The following TRPC1 variants were observed in gnomAD, a reference collection of about 807,000 sequenced individuals.
The protein encoded by TRPC1 is short transient receptor potential channel 1.
TRPC1 carries 42 observed loss-of-function variants against 88.2 expected under a neutral mutation model. The ratio of observed to expected loss-of-function variants is 0.48; its 90% CI spans 0.37 to 0.62. TRPC1 has a LOEUF of 0.62. Ranked by LOEUF, TRPC1 falls within the 20% of genes least tolerant of loss-of-function variation. The probability of loss-of-function intolerance (pLI) is 0.00; values close to 1 mark genes in which losing one functional copy is unlikely to be tolerated. For missense variants in TRPC1, 699 were observed against 957.3 expected (o/e 0.73, Z 3.56); for synonymous variants, 288 against 331.8 (o/e 0.87, Z 1.43).
intron 5 of TRPC1, among the ~76,000 whole-genome samples, chr3:142,778,664 C>CAT (rs1560110640): frequency 6.6e-6 from 1 of 152,066 alleles, no homozygotes; most frequent in East Asian, 1.9e-4. Context: ...CTTTCCTATA[C>CAT]GGCTGCTATT....
At chr3:142,778,435 T>C (rs1461708318) in intron 5 of TRPC1, among the ~76,000 whole-genome samples, 1 of 152,162 alleles carries the variant, frequency 6.6e-6, no homozygotes, top group African/African-American at 2.4e-5. Flanking sequence ...AAAAAGACTT[T>C]GTAATAGCAG....
At chr3:142,785,541 G>A (rs914743063) in intron 7 of TRPC1, among the ~76,000 whole-genome samples, 30 of 151,976 alleles carry the variant, frequency 2.0e-4, no homozygotes, top group African/African-American at 4.1e-4. Flanking sequence ...TCGCTCTGTC[G>A]CCCAGGCTGG....
At position 142,792,273 on chromosome 3, in the gene TRPC1, T is replaced by A. The variant is rs543104883; in HGVS notation, c.1438-551T>A. On this transcript the variant is annotated intron_variant, in intron 8 of 12. Coordinates refer to ENST00000476941, the MANE Select transcript of TRPC1 (RefSeq NM_001251845.2). This position sits in a 1 kb window ranked among gnomAD's most constrained non-coding sequence, Gnocchi z 4.0. ...ATAATTTTTTATCCAAATCAGGACA[T>A]TTTGAGAGTGAAAGGGGGCACTATT... 1.3e-5 allele frequency among the ~76,000 whole-genome samples: 2 copies of A among 152,096 alleles called. No individual in the cohort carries two copies. Among genetic ancestry groups the A allele is most frequent in the Non-Finnish European group, 2.9e-5 (2 of 67,918 alleles).
chr3:142,749,287 T>C (rs1003614977), intron 4 of TRPC1, among the ~76,000 whole-genome samples: 3 of 152,186 alleles, frequency 2.0e-5, no homozygotes, highest in Non-Finnish European at 2.9e-5. Flanking sequence ...AGAGCACATA[T>C]AATTTTATAC....
intron 4 of TRPC1, among the ~76,000 whole-genome samples, chr3:142,772,290 G>A (rs1380168931): frequency 6.6e-6 from 1 of 151,940 alleles, no homozygotes; most frequent in Non-Finnish European, 1.5e-5. Context: ...TCCATTATGA[G>A]TATGTTGGTA....
intron 4 of TRPC1, among the ~76,000 whole-genome samples, chr3:142,760,147 T>C (rs1317527900): frequency 6.6e-6 from 1 of 152,142 alleles, no homozygotes; most frequent in Admixed American, 6.5e-5. Context: ...TTTGAGGCCT[T>C]ACACACAAAA....
At chr3:142,733,697 A>G (rs112182965) in intron 1 of TRPC1, among the ~76,000 whole-genome samples, 2 of 152,360 alleles carry the variant, frequency 1.3e-5, no homozygotes, top group African/African-American at 4.8e-5. Context: ...CTCTAGCAAT[A>G]TGGTTGATTA....
chr3:142,791,378 A>G (rs1053582864), intron 8 of TRPC1, among the ~76,000 whole-genome samples: 2 of 152,148 alleles, frequency 1.3e-5, no homozygotes, highest in African/African-American at 2.4e-5. Context: ...CAGGGACCAT[A>G]GTTCACATTT....
At chr3:142,751,835 G>A (rs1314893425) in intron 4 of TRPC1, among the ~76,000 whole-genome samples, 2 of 152,100 alleles carry the variant, frequency 1.3e-5, no homozygotes, top group Admixed American at 1.3e-4. Context: ...GAATCAATCT[G>A]ATGTTTATTT....
In TRPC1 at chr3:142,792,268, G is replaced by C. The variant is rs1169118437; in HGVS notation, c.1438-556G>C. ...CCCATATAATTTTTTATCCAAATCA[G>C]GACATTTTGAGAGTGAAAGGGGGCA... On this transcript the variant is annotated intron_variant, in intron 8 of 12. Transcript: ENST00000476941. This position sits in a 1 kb window ranked among gnomAD's most constrained non-coding sequence, Gnocchi z 4.0. 6.6e-6 allele frequency among the ~76,000 whole-genome samples: 1 copy of C among 151,962 alleles called. No homozygotes were observed. The highest frequency in any genetic ancestry group is 1.5e-5 in the Non-Finnish European group (1 of 67,922).
intron 5 of TRPC1, 72 bp from the exon 6 acceptor site, chr3:142,780,762 C>A: frequency 7.1e-7 from 1 of 1,409,498 alleles, no homozygotes; most frequent in Non-Finnish European, 9.5e-7. Flanking sequence ...TGAGTAAAAA[C>A]GTTTTTAGTG....
intron 7 of TRPC1, among the ~76,000 whole-genome samples, chr3:142,787,863 G>C (rs889484855): frequency 6.6e-6 from 1 of 152,180 alleles, no homozygotes; most frequent in African/African-American, 2.4e-5. Flanking sequence ...AGTGAGCTAA[G>C]ATCTAAAAGA....
At chr3:142,748,967 A>G (rs1331562123) in intron 4 of TRPC1, among the ~76,000 whole-genome samples, 1 of 152,166 alleles carries the variant, frequency 6.6e-6, no homozygotes, top group Non-Finnish European at 1.5e-5. Flanking sequence ...GACCAAGAAA[A>G]TACCCTGTCA....
chr3:142,746,671 C>T (rs746047738), intron 3 of TRPC1, among the ~76,000 whole-genome samples: 7 of 152,012 alleles, frequency 4.6e-5, no homozygotes, highest in Non-Finnish European at 8.8e-5. Context: ...ATGCCTAAGA[C>T]GGGTGAGTAA....
Position 142,764,640 on chromosome 3 carries a change from T to C in TRPC1, c.633-12992T>C, listed in dbSNP as rs1012391359. 7.7e-4 allele frequency among the ~76,000 whole-genome samples: 117 copies of C among 152,246 alleles called. 1 individual carries two copies. Among genetic ancestry groups the C allele is most frequent in the South Asian group, 6.2e-4 (3 of 4,828 alleles). On this transcript the variant is annotated intron_variant, in intron 4 of 12. Transcript: ENST00000476941. ...ATTGAGAAGTCTGTTTCCAGATGAA[T>C]TGGGGCTTCTTTATATGTTATTTGC...
At chr3:142,730,513 A>G (rs1342925374) in intron 1 of TRPC1, among the ~76,000 whole-genome samples, 1 of 151,794 alleles carries the variant, frequency 6.6e-6, no homozygotes, top group Non-Finnish European at 1.5e-5. Flanking sequence ...TTACAATAAT[A>G]TGGTTATAAA....
rs183942536 is a variant in TRPC1, at chr3:142,768,741, G to T, written c.633-8891G>T. On this transcript the variant is annotated intron_variant, in intron 4 of 12. Coordinates refer to ENST00000476941, the MANE Select transcript of TRPC1 (RefSeq NM_001251845.2). Reference sequence around the variant, plus strand: ...TCCTCTGTGTTTTTTAACTATTTAAGAATTTTTTCTTTTAGAGATAATAGT... The same window carrying T: ...TCCTCTGTGTTTTTTAACTATTTAATAATTTTTTCTTTTAGAGATAATAGT... Among the ~76,000 whole-genome samples, 49 of 151,856 alleles carry T rather than the reference G, an allele frequency of 3.2e-4. No individual in the cohort carries two copies. The East Asian group carries it at 9.1e-3, about 28-fold the overall frequency.
chr3:142,725,233 C>T (rs947450559), intron 1 of TRPC1, among the ~76,000 whole-genome samples: 4 of 152,190 alleles, frequency 2.6e-5, no homozygotes, highest in Non-Finnish European at 5.9e-5. Context: ...TTAGCTTCAC[C>T]TGACCAGTGC....
At chr3:142,774,284 G>A (rs1161792693) in intron 4 of TRPC1, among the ~76,000 whole-genome samples, 1 of 152,180 alleles carries the variant, frequency 6.6e-6, no homozygotes, top group Non-Finnish European at 1.5e-5. Context: ...TTTCTAGTCA[G>A]CCAGGAATTT....
Sources: gnomAD v4.1 joint callset for allele counts (sites outside exome capture counted in the v4.1 genomes callset) on GRCh38, gnomAD v4.1.1 for gene constraint, Gnocchi (gnomAD v3.1) non-coding constraint, MANE v1.5 for transcripts, NCBI Gene and HGNC (gene_info 2026-07-23, HGNC 2026-07-21) for gene names.